The following C16orf96 variants were observed in gnomAD, a reference collection of about 807,000 sequenced individuals.
C16orf96 encodes uncharacterized protein C16orf96.
C16orf96 carries 108 observed loss-of-function variants against 103.6 expected under a neutral mutation model. The observed-to-expected ratio is 1.04, with a 90% CI of 0.89 to 1.22. The LOEUF (loss-of-function observed/expected upper bound fraction) is 1.22. C16orf96 is among the 50% of genes most tolerant of loss of function. The pLI is 0.00. For synonymous variants in C16orf96, 566 were observed against 593.5 expected, an observed-to-expected ratio of 0.95 and a Z score of 0.67; for missense variants, 1,586 against 1,464.2, an observed-to-expected ratio of 1.08 and a Z score of -1.36.
At chr16:4,569,174 T>A (rs1180051702) in intron 1 of C16orf96, among the ~76,000 whole-genome samples, 1 of 151,818 alleles carries the variant, frequency 6.6e-6, no homozygotes, top group Non-Finnish European at 1.5e-5. Flanking sequence ...TTCACCATGT[T>A]GGCCAGGCTG....
At position 4,570,151 on chromosome 16, in the gene C16orf96, G is replaced by GCCA. The variant is rs1394670903; in HGVS notation, c.421-1410_421-1409insCCA. Among the ~76,000 whole-genome samples the GCCA allele has an allele frequency of 1.1e-4, 16 of 152,238 alleles. No individual in the cohort carries two copies. The South Asian group carries it at 2.5e-3, about 24-fold the overall frequency. On this transcript the variant is annotated intron_variant, in intron 1 of 15. Coordinates refer to ENST00000444310, the MANE Select transcript of C16orf96 (RefSeq NM_001145011.2). ...AATTACGGAGACGGGATCTCACTAT[G>GCCA]TTGCCCAGGCTGGTCTGGAACTCCT...
chr16:4,540,270 A>G, the C16orf96 span, among the ~76,000 whole-genome samples: 1 of 152,244 alleles, frequency 6.6e-6, no homozygotes, highest in East Asian at 1.9e-4. Flanking sequence ...GTTGGTTAGA[A>G]AAGGCCTCTC....
chr16:4,581,348 A>G (rs2059586648), intron 7 of C16orf96, among the ~76,000 whole-genome samples: 1 of 149,256 alleles, frequency 6.7e-6, no homozygotes. Context: ...AAAAAAATAA[A>G]AAGGGCCAGG....
At chr16:4,582,703 T>G (rs1257327506) in intron 7 of C16orf96, among the ~76,000 whole-genome samples, 2 of 152,172 alleles carry the variant, frequency 1.3e-5, no homozygotes, top group African/African-American at 4.8e-5. Context: ...TGGGGTCATC[T>G]TGGTGCCCTT....
At chr16:4,577,034 A>G (rs945930047) in intron 5 of C16orf96, among the ~76,000 whole-genome samples, 2 of 152,084 alleles carry the variant, frequency 1.3e-5, no homozygotes. Flanking sequence ...TCTACTAAAA[A>G]TACAAAATTT....
upstream of C16orf96, among the ~76,000 whole-genome samples, chr16:4,552,507 G>A (rs990309101): frequency 4.1e-5 from 6 of 147,338 alleles, no homozygotes; most frequent in Non-Finnish European, 4.5e-5. Flanking sequence ...AAAAAGAAAC[G>A]AAAAGAAAAG....
At position 4,570,060 on chromosome 16, in the gene C16orf96, G is replaced by A. The variant is rs141708294; in HGVS notation, c.421-1501G>A. ...CCCACTTTTTCTCCAGAAGTGAAGC[G>A]GCACGTTTAAAGCCAGGGCGCTTTG... On this transcript the variant is annotated intron_variant, in intron 1 of 15. Transcript: ENST00000444310. 6.5e-3 allele frequency among the ~76,000 whole-genome samples: 995 copies of A among 152,174 alleles called. 16 individuals are homozygous for A. The highest frequency in any genetic ancestry group is 0.021 in the African/African-American group (887 of 41,498).
chr16:4,546,659 T>C, the C16orf96 span, among the ~76,000 whole-genome samples: 1 of 151,872 alleles, frequency 6.6e-6, no homozygotes, highest in African/African-American at 2.4e-5. Flanking sequence ...AGAGACAGGG[T>C]CTCACCGCGT....
intron 10 of C16orf96, 91 bp from the exon 11 acceptor site, chr16:4,592,209 AGGAGG>A: frequency 6.8e-7 from 1 of 1,469,016 alleles, no homozygotes; most frequent in East Asian, 2.5e-5. Context: ...GGGCACTGGC[AGGAGG>A]GATGCAGCCC....
At chr16:4,551,538 G>A (rs998332915), upstream of C16orf96, among the ~76,000 whole-genome samples, 6 of 152,068 alleles carry the variant, frequency 3.9e-5, no homozygotes, top group Non-Finnish European at 8.8e-5. Flanking sequence ...TGCACGCTCC[G>A]CCTCCCAGGT....
upstream of C16orf96, among the ~76,000 whole-genome samples, chr16:4,553,587 C>A (rs1205796760): frequency 6.6e-6 from 1 of 152,064 alleles, no homozygotes; most frequent in African/African-American, 2.4e-5. Context: ...AAGCGATCTG[C>A]CTGCCTCAGC....
chr16:4,584,269 C>T (rs1896860788), intron 7 of C16orf96, among the ~76,000 whole-genome samples: 2 of 102,510 alleles, frequency 2.0e-5, no homozygotes, highest in African/African-American at 2.7e-5. Flanking sequence ...CTCAGTGCAG[C>T]CTTGAACTCC....
At chr16:4,558,682 A>G (rs540695540) in intron 1 of C16orf96, among the ~76,000 whole-genome samples, 1 of 152,202 alleles carries the variant, frequency 6.6e-6, no homozygotes, top group East Asian at 1.9e-4. Context: ...CGGGAGGCCA[A>G]GGTGGGTGGA....
rs1350038051 is a variant in C16orf96, at chr16:4,593,330, G to GCGCCCCGCAGGGAGGC, written c.2867+24_2867+39dup. 1.3e-6 allele frequency: 2 copies of GCGCCCCGCAGGGAGGC among 1,549,132 alleles called. No homozygotes were observed. Among genetic ancestry groups the GCGCCCCGCAGGGAGGC allele is most frequent in the East Asian group, 2.4e-5 (1 of 40,862 alleles). The stretch of plus-strand genomic sequence containing the variant: ...GCAACAGATGAGGTGAGCAGGATGG[G>GCGCCCCGCAGGGAGGC]CGCCCCGCAGGGAGGCCGCCCCGCA... On this transcript the variant is annotated intron_variant, in intron 12 of 15. Transcript: ENST00000444310. This position sits in a 1 kb window ranked among gnomAD's most constrained non-coding sequence, Gnocchi z 4.2.
chr16:4,599,207 GCC>G, intron 14 of C16orf96, 75 bp from the exon 15 acceptor site: 1 of 1,284,810 alleles, frequency 7.8e-7, no homozygotes, highest in Non-Finnish European at 1.1e-6. Context: ...GAGGGAGACT[GCC>G]CAGTGCTGGG....
In C16orf96 at chr16:4,556,928, G is replaced by T; in HGVS notation, c.420+19G>T. 6.6e-7 allele frequency: 1 copy of T among 1,521,462 alleles called. No individual in the cohort carries two copies. The highest frequency in any genetic ancestry group is 8.9e-7 in the Non-Finnish European group (1 of 1,129,140). 94.2% of individuals were successfully genotyped at this position (1,521,462 alleles called of 1,614,324 possible). ...GGCCAAGGTACGCCCCCAGCCTCCA[G>T]ACACTTCTTTTCCTCCCTTCACCAC... is the stretch of plus-strand genomic sequence containing the variant. On this transcript the variant is annotated intron_variant, in intron 1 of 15. Coordinates refer to ENST00000444310, the MANE Select transcript of C16orf96 (RefSeq NM_001145011.2).
intron 11 of C16orf96, among the ~76,000 whole-genome samples, chr16:4,592,760 A>C (rs575501165): frequency 1.3e-5 from 2 of 152,302 alleles, no homozygotes; most frequent in South Asian, 4.1e-4. Flanking sequence ...GCTACTCAGG[A>C]GGCTGAGATG....
chr16:4,568,191 A>C (rs2059401772), intron 1 of C16orf96, among the ~76,000 whole-genome samples: 1 of 152,076 alleles, frequency 6.6e-6, no homozygotes, highest in Non-Finnish European at 1.5e-5. Context: ...GGCATGAGCC[A>C]CCATACCTGG....
chr16:4,580,011 T>G lies in C16orf96; in HGVS notation c.2242-4T>G, dbSNP rs773317673. 1.7e-5 allele frequency: 26 copies of G among 1,548,924 alleles called. No individual in the cohort carries two copies. The highest frequency in any genetic ancestry group is 2.2e-5 in the Non-Finnish European group (25 of 1,144,986). On this transcript the variant is annotated splice_region_variant and splice_polypyrimidine_tract_variant and intron_variant, in intron 6 of 15. Coordinates refer to ENST00000444310, the MANE Select transcript of C16orf96 (RefSeq NM_001145011.2). ...CCTGGGGTGTCTGTGTCTCCCCCTTTTAGGAGGAAGAACTTGAGAGAATTT... is the reference window on the plus strand; with the variant it reads ...CCTGGGGTGTCTGTGTCTCCCCCTTGTAGGAGGAAGAACTTGAGAGAATTT...
Sources: gnomAD v4.1 joint callset for allele counts (sites outside exome capture counted in the v4.1 genomes callset) on GRCh38, gnomAD v4.1.1 for gene constraint, Gnocchi (gnomAD v3.1) non-coding constraint, MANE v1.5 for transcripts, NCBI Gene and HGNC (gene_info 2026-07-23, HGNC 2026-07-21) for gene names.